Variants in SH3BGRL2 observed in about 807,000 individuals in gnomAD.
SH3BGRL2 encodes SH3 domain binding glutamate rich protein like 2.
In SH3BGRL2, 21 loss-of-function variants were observed where a neutral mutation model predicts 14.8. The ratio of observed to expected loss-of-function variants is 1.42; its 90% CI spans 1.01 to 2.05. The LOEUF is 2.05. SH3BGRL2 is among the 30% of genes most tolerant of loss of function. The pLI, the probability that SH3BGRL2 is intolerant of heterozygous loss-of-function variation, is 0.00. For synonymous variants in SH3BGRL2, 50 were observed against 47.8 expected (o/e 1.05, Z -0.19); for missense variants, 147 against 130.8 (o/e 1.12, Z -0.61).
chr6:79,675,984 A>G (rs2812706), intron 2 of SH3BGRL2, among the ~76,000 whole-genome samples: 34,591 of 152,066 alleles, frequency 0.23, 4,258 homozygotes, highest in East Asian at 0.45. Flanking sequence ...TGTGTCTTAC[A>G]TGAATGCAGC....
upstream of SH3BGRL2, among the ~76,000 whole-genome samples, chr6:79,631,011 C>T (rs1030347467): frequency 1.3e-5 from 2 of 152,190 alleles, no homozygotes; most frequent in African/African-American, 4.8e-5. Flanking sequence ...AACCAATAAA[C>T]CACAATACAG....
intron 1 of SH3BGRL2, among the ~76,000 whole-genome samples, chr6:79,643,715 C>G (rs1393843232): frequency 6.6e-6 from 1 of 152,122 alleles, no homozygotes; most frequent in Non-Finnish European, 1.5e-5. Flanking sequence ...AAACTTTAAA[C>G]AACTTGCCTT....
chr6:79,582,562 C>T, the SH3BGRL2 span, among the ~76,000 whole-genome samples: 1 of 152,142 alleles, frequency 6.6e-6, no homozygotes, highest in Non-Finnish European at 1.5e-5. Context: ...ATAAGTGGTG[C>T]TGGAAAAACT....
intron 3 of SH3BGRL2, 123 bp from the exon 4 acceptor site, chr6:79,699,375 C>G: frequency 8.8e-7 from 1 of 1,131,028 alleles, no homozygotes; most frequent in Non-Finnish European, 1.2e-6. Flanking sequence ...TGGAGGTGAT[C>G]TGTTATGATT....
At chr6:79,551,553 A>T in the SH3BGRL2 span, among the ~76,000 whole-genome samples, 1 of 152,180 alleles carries the variant, frequency 6.6e-6, no homozygotes, top group Non-Finnish European at 1.5e-5. Flanking sequence ...CCTGCAGGCT[A>T]GGAGATATGC....
chr6:79,566,581 T>A, the SH3BGRL2 span, among the ~76,000 whole-genome samples: 1 of 152,082 alleles, frequency 6.6e-6, no homozygotes, highest in Non-Finnish European at 1.5e-5. Flanking sequence ...GTTGTTTCCA[T>A]GATAAATTAT....
At chr6:79,627,800 T>C (rs1768760440), upstream of SH3BGRL2, among the ~76,000 whole-genome samples, 1 of 152,160 alleles carries the variant, frequency 6.6e-6, no homozygotes, top group Admixed American at 6.5e-5. Flanking sequence ...TTAGGCAAAA[T>C]AATAGGCTTC....
chr6:79,587,776 C>T, the SH3BGRL2 span, among the ~76,000 whole-genome samples: 43 of 152,192 alleles, frequency 2.8e-4, no homozygotes, highest in East Asian at 8.1e-3. Context: ...TATATAGAGG[C>T]CTTTGTATAT....
At chr6:79,697,171 G>A (rs987478486) in intron 3 of SH3BGRL2, among the ~76,000 whole-genome samples, 4 of 152,030 alleles carry the variant, frequency 2.6e-5, no homozygotes, top group Admixed American at 2.0e-4. Context: ...TCTTTATTAA[G>A]TAAGGTACTA....
chr6:79,548,929 T>C, the SH3BGRL2 span, among the ~76,000 whole-genome samples: 1 of 152,180 alleles, frequency 6.6e-6, no homozygotes, highest in Non-Finnish European at 1.5e-5. Flanking sequence ...TATGATCTTA[T>C]GACTTTGTTC....
At chr6:79,643,097 ATTTAC>A (rs903113870) in intron 1 of SH3BGRL2, among the ~76,000 whole-genome samples, 19 of 152,198 alleles carry the variant, frequency 1.2e-4, no homozygotes, top group Admixed American at 6.5e-4. Context: ...GTGGTACAAT[ATTTAC>A]TTTATGTCAT....
At chr6:79,575,459 T>A in the SH3BGRL2 span, 1 of 152,180 alleles carries the variant, frequency 6.6e-6, no homozygotes, top group Non-Finnish European at 1.5e-5. Flanking sequence ...TTTAAAATTT[T>A]CCTGTGAATT....
chr6:79,591,738 T>C, the SH3BGRL2 span, among the ~76,000 whole-genome samples: 7 of 151,814 alleles, frequency 4.6e-5, no homozygotes, highest in East Asian at 1.4e-3. Context: ...ACCAAAGGAG[T>C]TGGTTGAAAT....
intron 1 of SH3BGRL2, among the ~76,000 whole-genome samples, chr6:79,666,914 A>G (rs1298509882): frequency 6.6e-6 from 1 of 152,236 alleles, no homozygotes; most frequent in Non-Finnish European, 1.5e-5. Context: ...AGAAGTTACT[A>G]TATTTTTGAC....
chr6:79,695,546 G>T (rs1582742074), intron 2 of SH3BGRL2, among the ~76,000 whole-genome samples: 1 of 152,126 alleles, frequency 6.6e-6, no homozygotes, highest in Non-Finnish European at 1.5e-5. Flanking sequence ...GCACCCTAGA[G>T]TACAGAAAGT....
At chr6:79,647,604 A>G (rs12527526) in intron 1 of SH3BGRL2, among the ~76,000 whole-genome samples, 11,291 of 152,134 alleles carry the variant, frequency 0.074, 529 homozygotes, top group Non-Finnish European at 0.11. Flanking sequence ...ACAGGCTCAT[A>G]TGGAATATAA....
At chr6:79,572,527 G>A in the SH3BGRL2 span, among the ~76,000 whole-genome samples, 5 of 152,022 alleles carry the variant, frequency 3.3e-5, no homozygotes, top group East Asian at 1.9e-4. Flanking sequence ...GTGCAGTGGC[G>A]TGATCTCAGC....
At chr6:79,657,853 A>T (rs1769456745) in intron 1 of SH3BGRL2, among the ~76,000 whole-genome samples, 1 of 152,208 alleles carries the variant, frequency 6.6e-6, no homozygotes, top group African/African-American at 2.4e-5. Context: ...TATACAAATA[A>T]TTAAAAGCAA....
the SH3BGRL2 span, among the ~76,000 whole-genome samples, chr6:79,588,090 GA>G: frequency 6.6e-6 from 1 of 152,084 alleles, no homozygotes; most frequent in Non-Finnish European, 1.5e-5. Flanking sequence ...TCAGGAGATT[GA>G]GACCATTCTG....
Sources: gnomAD v4.1 joint callset for allele counts (sites outside exome capture counted in the v4.1 genomes callset) on GRCh38, gnomAD v4.1.1 for gene constraint, MANE v1.5 for transcripts, NCBI Gene and HGNC (gene_info 2026-07-23, HGNC 2026-07-21) for gene names.